Variants in GRID2 observed in about 807,000 individuals in gnomAD.
GRID2 encodes the protein glutamate receptor ionotropic, delta-2.
In GRID2, 33 loss-of-function variants were observed where a neutral mutation model predicts 114.8. The ratio of observed to expected loss-of-function variants is 0.29; its 90% CI spans 0.22 to 0.38. The LOEUF is 0.38. GRID2 is among the 10% of genes least tolerant of loss of function. GRID2 has a pLI of 1.00. For missense variants in GRID2, 1,184 were observed against 1,257.7 expected (o/e 0.94, Z 0.89); for synonymous variants, 505 against 449.9 (o/e 1.12, Z -1.55).
intron 12 of GRID2, among the ~76,000 whole-genome samples, chr4:93,494,591 A>G (rs1252677637): frequency 2.6e-5 from 4 of 151,926 alleles, no homozygotes; most frequent in South Asian, 2.1e-4. Context: ...AAGATAACCC[A>G]TAAATTTAAT....
At chr4:93,517,029 T>C (rs1350739940) in intron 13 of GRID2, among the ~76,000 whole-genome samples, 1 of 152,062 alleles carries the variant, frequency 6.6e-6, no homozygotes, top group Non-Finnish European at 1.5e-5. Flanking sequence ...GCTCATTTTT[T>C]TAAATAAAAT....
chr4:92,788,081 G>A (rs1739406738), intron 2 of GRID2, among the ~76,000 whole-genome samples: 1 of 151,774 alleles, frequency 6.6e-6, no homozygotes, highest in South Asian at 2.1e-4. Flanking sequence ...TATATAGATG[G>A]AATTTCAAAC....
chr4:92,399,388 T>C (rs1313018800), intron 1 of GRID2, among the ~76,000 whole-genome samples: 1 of 152,146 alleles, frequency 6.6e-6, no homozygotes, highest in Admixed American at 6.6e-5. Flanking sequence ...TCTATCCCAC[T>C]AACAGCCGTT....
intron 14 of GRID2, among the ~76,000 whole-genome samples, chr4:93,683,845 C>T (rs1203146497): frequency 6.6e-6 from 1 of 152,030 alleles, no homozygotes; most frequent in South Asian, 2.1e-4. Flanking sequence ...AAAACCAACA[C>T]AATTGTGGTG....
intron 2 of GRID2, among the ~76,000 whole-genome samples, chr4:92,719,766 T>C (rs1414280949): frequency 6.6e-6 from 1 of 152,012 alleles, no homozygotes; most frequent in Non-Finnish European, 1.5e-5. Context: ...CGAAGTAAAA[T>C]AGGACATGTA....
At chr4:92,595,201 G>A (rs1231940670) in intron 2 of GRID2, among the ~76,000 whole-genome samples, 6 of 151,800 alleles carry the variant, frequency 4.0e-5, no homozygotes, top group Non-Finnish European at 5.9e-5. Flanking sequence ...GAAAGAAAAT[G>A]TATTAAACTA....
At chr4:92,536,083 A>G (rs62307821) in intron 1 of GRID2, among the ~76,000 whole-genome samples, 1 of 152,104 alleles carries the variant, frequency 6.6e-6, no homozygotes, top group Non-Finnish European at 1.5e-5. Context: ...AAGCCTCCAC[A>G]GCAAGGAAAG....
intron 13 of GRID2, among the ~76,000 whole-genome samples, chr4:93,545,319 C>T (rs1200269784): frequency 1.3e-5 from 2 of 152,140 alleles, no homozygotes; most frequent in South Asian, 2.1e-4. Flanking sequence ...TTTCTAAGTA[C>T]TGTATATGAC....
intron 8 of GRID2, among the ~76,000 whole-genome samples, chr4:93,296,652 A>G (rs1754342609): frequency 6.6e-6 from 1 of 152,226 alleles, no homozygotes; most frequent in African/African-American, 2.4e-5. Flanking sequence ...CTGGCCATGT[A>G]TATCTATTCA....
At chr4:92,457,981 T>A (rs1721299731) in intron 1 of GRID2, among the ~76,000 whole-genome samples, 1 of 152,200 alleles carries the variant, frequency 6.6e-6, no homozygotes, top group Non-Finnish European at 1.5e-5. Flanking sequence ...GAAGTTATTT[T>A]TCAGTAAGAG....
rs182506728 is a variant in GRID2, at chr4:93,387,351, C to T, written c.1246-8256C>T. Among the ~76,000 whole-genome samples, 5 of 152,246 alleles carry T rather than the reference C, an allele frequency of 3.3e-5. No individual in the cohort carries two copies. In the East Asian group the frequency reaches 9.7e-4, roughly 29 times the overall value. On this transcript the variant is annotated intron_variant, in intron 8 of 15. Coordinates refer to ENST00000282020, the MANE Select transcript of GRID2 (RefSeq NM_001510.4). Reference sequence around the variant, plus strand: ...AGAGTTAGGTAATATCATTATTCCTCATACTGAAGGCTTTTGAAAAATGTT... The same window carrying T: ...AGAGTTAGGTAATATCATTATTCCTTATACTGAAGGCTTTTGAAAAATGTT...
chr4:92,887,410 A>G (rs949288540), intron 2 of GRID2, among the ~76,000 whole-genome samples: 4 of 152,202 alleles, frequency 2.6e-5, no homozygotes, highest in African/African-American at 9.7e-5. Flanking sequence ...AGTTGGTAGA[A>G]GTAGCAGCAG....
At chr4:93,719,467 AT>A (rs1233947423) in intron 14 of GRID2, among the ~76,000 whole-genome samples, 2 of 151,654 alleles carry the variant, frequency 1.3e-5, no homozygotes, top group East Asian at 1.9e-4. Flanking sequence ...AGATAAAGTG[AT>A]TTTTTTTCTT....
chr4:93,058,995 C>T (rs538069402), intron 2 of GRID2, among the ~76,000 whole-genome samples: 1 of 152,084 alleles, frequency 6.6e-6, no homozygotes, highest in African/African-American at 2.4e-5. Flanking sequence ...ATTTGCATTG[C>T]ACTTGATCAC....
At chr4:93,304,611 A>G (rs1755224395) in intron 8 of GRID2, among the ~76,000 whole-genome samples, 2 of 152,198 alleles carry the variant, frequency 1.3e-5, no homozygotes, top group Non-Finnish European at 2.9e-5. Context: ...GTACTTTAAC[A>G]CACACTACAA....
rs186107508 is a variant in GRID2 at position 92,899,248 on chromosome 4, G to A, written c.245-185747G>A. ...TAGTTTATATTTTTCTTGTATGTTT[G>A]TAAATCTGTCTTTTGTTTTCCCTTT... On this transcript the variant is annotated intron_variant, in intron 2 of 15. Transcript: ENST00000282020. Among the ~76,000 whole-genome samples, 17 of 152,054 alleles carry A rather than the reference G, an allele frequency of 1.1e-4. No individual in the cohort carries two copies. The East Asian group carries it at 3.3e-3, about 29-fold the overall frequency.
Position 93,769,198 on chromosome 4 carries a change from C to CTT in GRID2, c.2361-10_2361-9dup, listed in dbSNP as rs1733921594. 1 of 1,613,466 alleles carries CTT rather than the reference C, an allele frequency of 6.2e-7. No homozygotes were observed. The highest frequency in any genetic ancestry group is 8.5e-7 in the Non-Finnish European group (1 of 1,179,562). On this transcript the variant is annotated splice_polypyrimidine_tract_variant and intron_variant, in intron 14 of 15. Transcript: ENST00000282020. Reference sequence around the variant, plus strand: ...GTCTGTAATAACACATGCTTATGTTCTTTATCCCAAGGATCCTGGAGCTTC... The same window carrying CTT: ...GTCTGTAATAACACATGCTTATGTTCTTTTTATCCCAAGGATCCTGGAGCTTC...
At chr4:92,892,052 G>T (rs773386630) in intron 2 of GRID2, among the ~76,000 whole-genome samples, 36 of 145,400 alleles carry the variant, frequency 2.5e-4, no homozygotes, top group South Asian at 1.1e-3. Flanking sequence ...GTAATAGCTG[G>T]TTTTTTTTTT....
At position 92,565,115 on chromosome 4, in the gene GRID2, C is replaced by G. The variant is rs145533206; in HGVS notation, c.89-25016C>G. Among the ~76,000 whole-genome samples, 776 of 151,984 alleles carry G rather than the reference C, an allele frequency of 5.1e-3. 3 individuals carry two copies. The highest frequency in any genetic ancestry group is 7.2e-3 in the Non-Finnish European group (488 of 67,874). ...TTGGGTACTAATTACTTCTGGGTAC[C>G]CAGTTACTCCTGGGTCCTAATTTTA... On this transcript the variant is annotated intron_variant, in intron 1 of 15. Coordinates refer to ENST00000282020, the MANE Select transcript of GRID2 (RefSeq NM_001510.4).
Sources: allele counts gnomAD v4.1 joint callset (sites outside exome capture counted in the v4.1 genomes callset), GRCh38; gene constraint gnomAD v4.1.1; transcripts MANE v1.5; gene names NCBI Gene and HGNC (gene_info 2026-07-23, HGNC 2026-07-21).